Variants in RABGAP1L observed in about 807,000 individuals in gnomAD.
The protein encoded by RABGAP1L is rab GTPase-activating protein 1-like.
RABGAP1L carries 63 observed loss-of-function variants against 137.7 expected under a neutral mutation model. That is an observed-to-expected ratio of 0.46 (90% CI 0.37 to 0.56). The LOEUF is 0.56. Among genes scored for constraint, RABGAP1L ranks in the 20% least tolerant of loss-of-function variants. The pLI, the probability that RABGAP1L is intolerant of heterozygous loss-of-function variation, is 0.00. For missense variants in RABGAP1L, 1,095 were observed against 1,244.0 expected (o/e 0.88, Z 1.80); for synonymous variants, 431 against 433.7 (o/e 0.99, Z 0.08).
intron 14 of RABGAP1L, among the ~76,000 whole-genome samples, chr1:174,640,581 T>A (rs2148352261): frequency 6.6e-6 from 1 of 152,218 alleles, no homozygotes; most frequent in East Asian, 1.9e-4. Context: ...GAATAATAAC[T>A]AGCATTATAC....
chr1:174,458,081 A>C (rs762173837), intron 13 of RABGAP1L, among the ~76,000 whole-genome samples: 2 of 152,152 alleles, frequency 1.3e-5, no homozygotes, highest in African/African-American at 2.4e-5. Context: ...GTTCTCCAAG[A>C]GCACTTAGAC....
chr1:174,515,484 A>G (rs888485365), intron 13 of RABGAP1L, among the ~76,000 whole-genome samples: 2 of 152,104 alleles, frequency 1.3e-5, no homozygotes, highest in African/African-American at 4.8e-5. Flanking sequence ...TGAGGTAATA[A>G]GTCTAACAAG....
chr1:174,674,062 TTTTTTTTTTTC>T (rs960568012), intron 14 of RABGAP1L, among the ~76,000 whole-genome samples: 55 of 118,376 alleles, frequency 4.6e-4, no homozygotes, highest in Admixed American at 2.2e-3. Context: ...GTGTTCAGAG[TTTTTTTTTTTC>T]TTTTTTTTTT....
rs79006235 is a variant in RABGAP1L at position 174,911,669 on chromosome 1, T to C, written c.2341-45788T>C. Among the ~76,000 whole-genome samples, 385 of 152,362 alleles carry C rather than the reference T, an allele frequency of 2.5e-3. 5 individuals are homozygous for C. The highest frequency in any genetic ancestry group is 8.8e-3 in the African/African-American group (364 of 41,584). On this transcript the variant is annotated intron_variant, in intron 19 of 25. Transcript: ENST00000681986. ...GTTATAGAAGTTAAAGCTCCCTTGC[T>C]GAACCTATGATTCTTCTAAGCTGCT...
intron 14 of RABGAP1L, among the ~76,000 whole-genome samples, chr1:174,661,759 A>G (rs1449456370): frequency 6.6e-6 from 1 of 152,162 alleles, no homozygotes; most frequent in Non-Finnish European, 1.5e-5. Context: ...CTGCATTTAC[A>G]ATGGTGGTCC....
intron 13 of RABGAP1L, among the ~76,000 whole-genome samples, chr1:174,496,026 A>G (rs727279): frequency 0.58 from 88,400 of 152,028 alleles, 28,050 homozygotes; most frequent in African/African-American, 0.85. Context: ...GCCAAGACTA[A>G]TATTTTTAAC....
intron 12 of RABGAP1L, among the ~76,000 whole-genome samples, chr1:174,375,859 G>C (rs571621873): frequency 6.6e-6 from 1 of 152,206 alleles, no homozygotes; most frequent in African/African-American, 2.4e-5. Flanking sequence ...GAGGTAATGA[G>C]TTTGAGACCA....
chr1:174,174,506 C>T (rs184748306), intron 1 of RABGAP1L, among the ~76,000 whole-genome samples: 95 of 152,174 alleles, frequency 6.2e-4, no homozygotes, highest in South Asian at 1.9e-3. Flanking sequence ...CGTGATAGGC[C>T]GTCTGCAAAC....
chr1:174,606,222 C>T (rs1324945047), intron 13 of RABGAP1L, among the ~76,000 whole-genome samples: 1 of 152,144 alleles, frequency 6.6e-6, no homozygotes, highest in Non-Finnish European at 1.5e-5. Context: ...TTAAAACCTT[C>T]AGAAAAATAA....
chr1:174,972,553 T>C (rs961611706), intron 21 of RABGAP1L, among the ~76,000 whole-genome samples: 1 of 152,152 alleles, frequency 6.6e-6, no homozygotes, highest in Non-Finnish European at 1.5e-5. Context: ...TTCAATCTTA[T>C]CAAATTATGG....
intron 19 of RABGAP1L, among the ~76,000 whole-genome samples, chr1:174,827,550 G>A (rs545425444): frequency 4.1e-5 from 6 of 147,964 alleles, no homozygotes; most frequent in South Asian, 2.2e-4. Flanking sequence ...TCTTCTGAAC[G>A]TGAATCTTGC....
intron 18 of RABGAP1L, among the ~76,000 whole-genome samples, chr1:174,769,059 C>T (rs551983113): frequency 1.3e-4 from 20 of 152,132 alleles, no homozygotes; most frequent in Non-Finnish European, 1.6e-4. Context: ...ACAGGTGCTT[C>T]CTGCCCACTG....
chr1:174,804,445 A>G (rs914473204), intron 18 of RABGAP1L, among the ~76,000 whole-genome samples: 3 of 151,790 alleles, frequency 2.0e-5, no homozygotes, highest in East Asian at 1.9e-4. Context: ...TTATTTTTGT[A>G]TTTTTTGTAG....
At chr1:174,430,256 C>T (rs945148195) in intron 13 of RABGAP1L, among the ~76,000 whole-genome samples, 12 of 151,836 alleles carry the variant, frequency 7.9e-5, no homozygotes, top group Non-Finnish European at 1.6e-4. Context: ...GTGGTACATG[C>T]CTGTAGTCCC....
chr1:174,668,716 C>T (rs115547898), intron 14 of RABGAP1L, among the ~76,000 whole-genome samples: 3,369 of 152,176 alleles, frequency 0.022, 56 homozygotes, highest in Middle Eastern at 0.085. Context: ...TACTAATTTA[C>T]GTTCCCACCA....
chr1:174,533,654 G>A (rs956739081), intron 13 of RABGAP1L, among the ~76,000 whole-genome samples: 1 of 151,796 alleles, frequency 6.6e-6, no homozygotes, highest in African/African-American at 2.4e-5. Flanking sequence ...TATAACATAC[G>A]AAATACGTGT....
intron 13 of RABGAP1L, among the ~76,000 whole-genome samples, chr1:174,415,260 C>G (rs897482607): frequency 6.6e-6 from 1 of 152,008 alleles, no homozygotes; most frequent in Admixed American, 6.6e-5. Flanking sequence ...TAAATCTTTA[C>G]ATTTTCTAGA....
chr1:174,590,246 C>G (rs1301484572), intron 13 of RABGAP1L, among the ~76,000 whole-genome samples: 2 of 142,504 alleles, frequency 1.4e-5, no homozygotes, highest in Non-Finnish European at 3.0e-5. Flanking sequence ...AGTTAATGCT[C>G]TAACAACTTT....
chr1:174,451,322 G>A (rs932636136), intron 13 of RABGAP1L, among the ~76,000 whole-genome samples: 3 of 152,260 alleles, frequency 2.0e-5, no homozygotes, highest in South Asian at 2.1e-4. Context: ...TATAAATATA[G>A]TTAGAAAGGA....
Sources: gnomAD v4.1 joint callset for allele counts (sites outside exome capture counted in the v4.1 genomes callset) on GRCh38, gnomAD v4.1.1 for gene constraint, MANE v1.5 for transcripts, NCBI Gene and HGNC (gene_info 2026-07-23, HGNC 2026-07-21) for gene names.